Variants in COL5A1 observed in about 807,000 individuals in gnomAD.
COL5A1 encodes collagen alpha-1(V) chain.
COL5A1 carries 16 observed loss-of-function variants against 263.7 expected under a neutral mutation model. The observed-to-expected ratio is 0.06, with a 90% CI of 0.04 to 0.09. COL5A1 has a LOEUF of 0.09. COL5A1 is among the 10% of genes least tolerant of loss of function. The pLI, the probability that COL5A1 is intolerant of heterozygous loss-of-function variation, is 1.00. For missense variants in COL5A1, 2,036 were observed against 2,540.5 expected (o/e 0.80, Z 4.27); for synonymous variants, 1,012 against 1,004.5 (o/e 1.01, Z -0.14).
intron 1 of COL5A1, among the ~76,000 whole-genome samples, chr9:134,662,581 A>G (rs976749047): frequency 6.6e-6 from 1 of 152,186 alleles, no homozygotes; most frequent in Non-Finnish European, 1.5e-5. Context: ...GGGTGATGGG[A>G]GGCTGAGGGT....
intron 1 of COL5A1, among the ~76,000 whole-genome samples, chr9:134,690,338 TC>T (rs1833233583): frequency 6.6e-6 from 1 of 152,186 alleles, no homozygotes; most frequent in South Asian, 2.1e-4. Flanking sequence ...GCCAGTGACA[TC>T]CCCGTGACCT....
intron 4 of COL5A1, among the ~76,000 whole-genome samples, chr9:134,717,640 T>C (rs1834316297): frequency 6.6e-6 from 1 of 152,206 alleles, no homozygotes; most frequent in Non-Finnish European, 1.5e-5. Context: ...GGGAGGTTTG[T>C]GGCAGGGCCT....
chr9:134,748,999 G>C (rs1027789962), intron 11 of COL5A1, among the ~76,000 whole-genome samples: 5 of 152,222 alleles, frequency 3.3e-5, no homozygotes, highest in African/African-American at 9.6e-5. Context: ...AGCATTTTCG[G>C]AGCCCGAGGC....
rs1257805035 is a variant in COL5A1, at chr9:134,811,581, T to G, written c.3672T>G (p.Pro1224=). The change falls in exon 46 of 66, where the codon CCT becomes CCG. Residue 1224 remains proline (P), a synonymous_variant. Transcript: ENST00000371817. ...GTCCCAGAGGCTTTCCTGGACCCCC[T>G]GGGCCAGTGGGGCTGCAGGTAACTG... ...DEGPRGFPGP[P]GPVGLQGLPG... 1.3e-6 allele frequency: 2 copies of G among 1,558,872 alleles called. No individual in the cohort carries two copies. Among genetic ancestry groups the G allele is most frequent in the Non-Finnish European group, 8.7e-7 (1 of 1,150,952 alleles).
intron 25 of COL5A1, among the ~76,000 whole-genome samples, chr9:134,771,037 G>A (rs11103519): frequency 0.21 from 31,760 of 152,220 alleles, 3,512 homozygotes; most frequent in East Asian, 0.35. Flanking sequence ...TGCTCCCTGG[G>A]TGGGCGCAGT....
rs966586693 is a variant in COL5A1 at position 134,696,149 on chromosome 9, A to G, written c.278-3760A>G. On this transcript the variant is annotated intron_variant, in intron 2 of 65. Coordinates refer to ENST00000371817, the MANE Select transcript of COL5A1 (RefSeq NM_000093.5). The surrounding 1 kb of genome is among the most constrained non-coding windows in gnomAD (Gnocchi z 4.3). ...TGACCTCTTTCTGCCACCCTGCCCC[A>G]CTGCCCCCTGCATTATTTGCAATTA... 2.6e-5 allele frequency among the ~76,000 whole-genome samples: 4 copies of G among 151,224 alleles called. No individual in the cohort carries two copies. The highest frequency in any genetic ancestry group is 9.7e-5 in the African/African-American group (4 of 41,056).
intron 6 of COL5A1, among the ~76,000 whole-genome samples, chr9:134,729,325 G>A (rs910262385): frequency 2.0e-5 from 3 of 152,192 alleles, no homozygotes; most frequent in Non-Finnish European, 2.9e-5. Flanking sequence ...ACCTAGCAGG[G>A]CCCGGGCCCC....
In COL5A1 at chr9:134,758,422, A is replaced by T; in HGVS notation, c.1935+126A>T. 1.0e-6 allele frequency: 1 copy of T among 953,612 alleles called. No individual in the cohort carries two copies. The highest frequency in any genetic ancestry group is 1.7e-6 in the Non-Finnish European group (1 of 603,180). The allele number at this position is 953,612 out of a possible 1,614,324, so 59.1% of individuals were successfully genotyped here. A position where few individuals can be genotyped will look rare whatever the true frequency, so the allele number is the denominator to read the frequency against. ...TCAGGTCTCCGCCATTCCAACAGTC[A>T]GTATACAAACCTCACGGGAGTCAGC... On this transcript the variant is annotated intron_variant, in intron 18 of 65. Transcript: ENST00000371817. This position sits in a 1 kb window ranked among gnomAD's most constrained non-coding sequence, Gnocchi z 4.1.
intron 4 of COL5A1, chr9:134,709,189 G>A: frequency 2.9e-6 from 1 of 349,732 alleles, no homozygotes; most frequent in South Asian, 2.1e-5. Context: ...TGGAAAAGGG[G>A]TTTTTCGTCT....
At chr9:134,664,028 G>C (rs1359504232) in intron 1 of COL5A1, among the ~76,000 whole-genome samples, 3 of 152,246 alleles carry the variant, frequency 2.0e-5, no homozygotes, top group African/African-American at 7.2e-5. Flanking sequence ...GAATCAGTCA[G>C]CTGGTGGGAA....
chr9:134,819,602 G>C (rs1838909493), intron 57 of COL5A1, among the ~76,000 whole-genome samples: 1 of 152,202 alleles, frequency 6.6e-6, no homozygotes, highest in African/African-American at 2.4e-5. Context: ...AGGCAAATGA[G>C]AGCTGGGGCT....
chr9:134,695,820 TCCAGAACCAAGTTATCCCTG>T (rs1833440384), intron 2 of COL5A1, among the ~76,000 whole-genome samples: 1 of 152,190 alleles, frequency 6.6e-6, no homozygotes, highest in South Asian at 2.1e-4. Flanking sequence ...GCCAGAAGGT[TCCAGAACCAAGTTATCCCTG>T]CAGGGGCTGC....
At chr9:134,760,878 C>T (rs564680795) in intron 18 of COL5A1, among the ~76,000 whole-genome samples, 9 of 149,226 alleles carry the variant, frequency 6.0e-5, no homozygotes, top group African/African-American at 9.9e-5. Flanking sequence ...TGCACACAGA[C>T]GCATACATAC....
chr9:134,711,017 G>A (rs1291497329), intron 4 of COL5A1, among the ~76,000 whole-genome samples: 4 of 137,382 alleles, frequency 2.9e-5, no homozygotes, highest in Admixed American at 1.4e-4. Context: ...GGAGAGGCCC[G>A]TTTGTTGGGT....
Position 134,703,851 on chromosome 9 carries a change from G to C in COL5A1, c.654+2518G>C, listed in dbSNP as rs528284776. ...AGATGGGGTTTCACTGTGTTAGCCA[G>C]GATGGTCTCGATCTCCTGACCTTGT... On this transcript the variant is annotated intron_variant, in intron 4 of 65. Coordinates refer to ENST00000371817, the MANE Select transcript of COL5A1 (RefSeq NM_000093.5). Among the ~76,000 whole-genome samples the C allele has an allele frequency of 1.4e-4, 21 of 151,938 alleles. No individual in the cohort carries two copies. In the East Asian group the frequency reaches 4.1e-3, roughly 29 times the overall value.
intron 15 of COL5A1, 83 bp downstream of exon 15, chr9:134,753,986 A>G: frequency 1.7e-6 from 2 of 1,211,206 alleles, no homozygotes; most frequent in South Asian, 2.4e-5. Context: ...AGGGACCCCA[A>G]CTGCTGCATG....
At chr9:134,728,570 C>T (rs1323959319) in intron 5 of COL5A1, 100 bp from the exon 6 acceptor site, 14 of 1,544,554 alleles carry the variant, frequency 9.1e-6, no homozygotes, top group Admixed American at 1.7e-5. Context: ...CTGGACGGGG[C>T]GTCGTGGCGT....
intron 14 of COL5A1, among the ~76,000 whole-genome samples, chr9:134,753,043 A>G (rs1401138656): frequency 6.6e-6 from 1 of 152,076 alleles, no homozygotes; most frequent in Non-Finnish European, 1.5e-5. Context: ...AGCTGTCACC[A>G]GAGGAGTGGC....
chr9:134,761,147 G>A (rs139361761), intron 18 of COL5A1, among the ~76,000 whole-genome samples: 6 of 127,700 alleles, frequency 4.7e-5, no homozygotes, highest in Non-Finnish European at 8.0e-5. Context: ...ATGCATACAC[G>A]CCACGCACAC....
Sources: gnomAD v4.1 joint callset for allele counts (sites outside exome capture counted in the v4.1 genomes callset) on GRCh38, gnomAD v4.1.1 for gene constraint, Gnocchi (gnomAD v3.1) non-coding constraint, MANE v1.5 for transcripts, NCBI Gene and HGNC (gene_info 2026-07-23, HGNC 2026-07-21) for gene names.